Variants in ORC3 observed in about 807,000 individuals in gnomAD.
ORC3 encodes the protein homolog of latheo, Drosophila.
Under a neutral mutation model 100.7 loss-of-function variants are expected in ORC3, and 78 were observed. The ratio of observed to expected loss-of-function variants is 0.77; its 90% confidence interval spans 0.65 to 0.94. The LOEUF (loss-of-function observed/expected upper bound fraction) is 0.94. Ranked by LOEUF, ORC3 falls within the 40% of genes least tolerant of loss-of-function variation. ORC3 has a pLI of 0.00. For synonymous variants in ORC3, 295 were observed against 289.3 expected (o/e 1.02, Z -0.20); for missense variants, 789 against 823.9 (o/e 0.96, Z 0.52).
chr6:87,634,914 C>G lies in ORC3; in HGVS notation c.1255C>G (p.Leu419Val). Residue 419 changes from leucine to valine, a missense_variant, in exon 12 of 20, where the codon CTT (leucine) becomes GTT (valine). By Grantham distance (32) the Leu-to-Val change is conservative. Coordinates refer to ENST00000392844, the MANE Select transcript of ORC3 (RefSeq NM_012381.4). ...HMNYFLVLRC[L>V]HKFTSSLPKY... ...GAATTACTTCCTGGTTTTGAGATGT[C>G]TTCATAAGTTCACCTCTTCTCTTCC... 1.2e-6 allele frequency: 2 copies of G among 1,606,206 alleles called. No homozygotes were observed. Among genetic ancestry groups the G allele is most frequent in the Non-Finnish European group, 1.7e-6 (2 of 1,172,924 alleles).
chr6:87,641,101 T>TC (rs1306766032), intron 13 of ORC3, among the ~76,000 whole-genome samples: 1 of 148,760 alleles, frequency 6.7e-6, no homozygotes, highest in African/African-American at 2.5e-5. Context: ...CAAGTGAGAC[T>TC]CCATCTCAAA....
intron 2 of ORC3, among the ~76,000 whole-genome samples, chr6:87,598,073 A>T (rs1284107729): frequency 2.0e-5 from 3 of 152,224 alleles, no homozygotes; most frequent in African/African-American, 7.2e-5. Context: ...TCTGTCACCC[A>T]GGCTGGAGTG....
At chr6:87,645,550 A>G (rs926420713) in intron 13 of ORC3, among the ~76,000 whole-genome samples, 1 of 151,776 alleles carries the variant, frequency 6.6e-6, no homozygotes, top group African/African-American at 2.4e-5. Context: ...TCCAGCCTTC[A>G]TTGATATATA....
chr6:87,594,276 C>A, intron 1 of ORC3, 77 bp from the exon 2 acceptor site: 2 of 996,718 alleles, frequency 2.0e-6, no homozygotes, highest in South Asian at 3.2e-5. Flanking sequence ...AGTGCTTACC[C>A]ATAAAATATT....
chr6:87,593,953 C>G (rs1428478063), intron 1 of ORC3, among the ~76,000 whole-genome samples: 1 of 152,248 alleles, frequency 6.6e-6, no homozygotes, highest in Non-Finnish European at 1.5e-5. Context: ...CCTTGGCCTC[C>G]CAGAGTGCTG....
chr6:87,624,767 G>T (rs1471302574), intron 11 of ORC3, among the ~76,000 whole-genome samples: 1 of 152,032 alleles, frequency 6.6e-6, no homozygotes, highest in Non-Finnish European at 1.5e-5. Flanking sequence ...GTGGGTATAT[G>T]TGTGCCGTGT....
chr6:87,639,222 G>A (rs932814413), intron 13 of ORC3, among the ~76,000 whole-genome samples: 17 of 152,166 alleles, frequency 1.1e-4, no homozygotes, highest in African/African-American at 4.1e-4. Flanking sequence ...CAATCTGTAT[G>A]TGGAAGCTGA....
intron 11 of ORC3, among the ~76,000 whole-genome samples, chr6:87,629,393 G>T (rs1780146905): frequency 6.6e-6 from 1 of 152,146 alleles, no homozygotes; most frequent in South Asian, 2.1e-4. Context: ...GACAAAAGTG[G>T]TAAGTACTAT....
chr6:87,637,522 T>C (rs936472391), intron 13 of ORC3, among the ~76,000 whole-genome samples: 1 of 152,250 alleles, frequency 6.6e-6, no homozygotes, highest in African/African-American at 2.4e-5. Context: ...AAGATTTCTA[T>C]GTATTTATAA....
At chr6:87,608,113 G>C (rs1778481411) in intron 6 of ORC3, among the ~76,000 whole-genome samples, 1 of 152,132 alleles carries the variant, frequency 6.6e-6, no homozygotes, top group Non-Finnish European at 1.5e-5. Context: ...TGCTTCTGTT[G>C]CATGTTCCAT....
chr6:87,618,365 G>A (rs866902040), intron 9 of ORC3, among the ~76,000 whole-genome samples: 8 of 151,054 alleles, frequency 5.3e-5, no homozygotes, highest in Middle Eastern at 3.4e-3. Context: ...GCGAGTGAGC[G>A]GAGATCATGC....
At position 87,634,947 on chromosome 6, in the gene ORC3, C is replaced by T. The variant is rs1229812275; in HGVS notation, c.1288C>T (p.Pro430Ser). The T allele has an allele frequency of 6.5e-7, 1 of 1,538,628 alleles. No homozygotes were observed. Among genetic ancestry groups the T allele is most frequent in the East Asian group, 2.2e-5 (1 of 44,524 alleles). The change falls in exon 12 of 20, where the codon CCA (proline) becomes TCA (serine). Residue 430 changes from proline (P) to serine (S), a missense_variant. Transcript: ENST00000392844. Reference sequence around the variant, plus strand: ...GTTCACCTCTTCTCTTCCCAAGTATCCACTAGGTCGACAGGTAATCCAAGC... The same window carrying T: ...GTTCACCTCTTCTCTTCCCAAGTATTCACTAGGTCGACAGGTAATCCAAGC... ...HKFTSSLPKY[P>S]LGRQIRELYC...
chr6:87,611,567 A>G (rs1017838402), intron 7 of ORC3, among the ~76,000 whole-genome samples: 2 of 152,312 alleles, frequency 1.3e-5, no homozygotes, highest in South Asian at 4.1e-4. Flanking sequence ...TGGGTGGATC[A>G]CATGAAGTCA....
At chr6:87,666,465 T>A (rs1225584543) in intron 19 of ORC3, among the ~76,000 whole-genome samples, 1 of 111,012 alleles carries the variant, frequency 9.0e-6, no homozygotes, top group Non-Finnish European at 1.8e-5. Context: ...TGAGACAGAG[T>A]TTTGCTATTG....
chr6:87,598,472 T>C (rs1282541781), intron 2 of ORC3, among the ~76,000 whole-genome samples: 2 of 152,236 alleles, frequency 1.3e-5, no homozygotes, highest in Non-Finnish European at 2.9e-5. Context: ...ACCTGTCTGA[T>C]TCCAGAGCTC....
At chr6:87,666,626 A>G (rs1770661846) in intron 19 of ORC3, among the ~76,000 whole-genome samples, 2 of 150,396 alleles carry the variant, frequency 1.3e-5, no homozygotes, top group South Asian at 4.2e-4. Flanking sequence ...TTTAGGGGAG[A>G]TGGGATTTCA....
At chr6:87,674,442 T>C in the ORC3 span, among the ~76,000 whole-genome samples, 1 of 151,742 alleles carries the variant, frequency 6.6e-6, no homozygotes, top group Non-Finnish European at 1.5e-5. Flanking sequence ...TTTGCTTACT[T>C]CATTATAAGA....
intron 13 of ORC3, among the ~76,000 whole-genome samples, chr6:87,645,561 T>C (rs1053593823): frequency 6.6e-6 from 1 of 152,344 alleles, no homozygotes; most frequent in Non-Finnish European, 1.5e-5. Flanking sequence ...TTGATATATA[T>C]ACATTTGCAA....
intron 13 of ORC3, among the ~76,000 whole-genome samples, chr6:87,644,893 T>C (rs1296356720): frequency 6.6e-6 from 1 of 152,124 alleles, no homozygotes; most frequent in African/African-American, 2.4e-5. Context: ...TATTTGAACT[T>C]ACTCAAGTTG....
Sources: gnomAD v4.1 joint callset for allele counts (sites outside exome capture counted in the v4.1 genomes callset) on GRCh38, gnomAD v4.1.1 for gene constraint, MANE v1.5 for transcripts, NCBI Gene and HGNC (gene_info 2026-07-23, HGNC 2026-07-21) for gene names.